TNNI3K: variants seen among roughly 807,000 people sequenced by gnomAD.
The protein encoded by TNNI3K is serine/threonine-protein kinase TNNI3K.
Under a neutral mutation model 114.5 loss-of-function variants are expected in TNNI3K, and 140 were observed. The observed-to-expected ratio is 1.22, with a 90% CI of 1.07 to 1.41. The LOEUF is 1.41. TNNI3K is among the 40% of genes most tolerant of loss of function. TNNI3K has a pLI of 0.00. For missense variants in TNNI3K, 1,125 were observed against 1,007.6 expected (o/e 1.12, Z -1.58); for synonymous variants, 347 against 347.5 (o/e 1.00, Z 0.02).
chr1:74,457,443 C>G (rs1200897020), intron 20 of TNNI3K, among the ~76,000 whole-genome samples: 4 of 152,146 alleles, frequency 2.6e-5, no homozygotes, highest in Non-Finnish European at 5.9e-5. Context: ...GCTATACACT[C>G]TGGTGATACG....
At chr1:74,454,414 T>C (rs1268797094) in intron 20 of TNNI3K, among the ~76,000 whole-genome samples, 1 of 152,182 alleles carries the variant, frequency 6.6e-6, no homozygotes, top group African/African-American at 2.4e-5. Flanking sequence ...TTCTACTTTC[T>C]ATCTCCATGA....
chr1:74,279,304 A>G (rs6660831), intron 5 of TNNI3K, among the ~76,000 whole-genome samples: 89,545 of 152,140 alleles, frequency 0.59, 30,028 homozygotes, highest in East Asian at 0.82. Flanking sequence ...TAAAAATGCA[A>G]AAGTTTCTAA....
At chr1:74,452,782 C>T (rs1017432721) in intron 20 of TNNI3K, among the ~76,000 whole-genome samples, 41 of 152,278 alleles carry the variant, frequency 2.7e-4, no homozygotes, top group Admixed American at 7.2e-4. Context: ...CTGCCTGCCT[C>T]CCCGGCCTCC....
At chr1:74,305,410 GT>G (rs1278006242) in intron 5 of TNNI3K, among the ~76,000 whole-genome samples, 4 of 152,208 alleles carry the variant, frequency 2.6e-5, no homozygotes, top group African/African-American at 9.6e-5. Context: ...AAGAATTTGG[GT>G]TGTGATGCAG....
At chr1:74,508,990 C>T (rs565229633) in intron 23 of TNNI3K, among the ~76,000 whole-genome samples, 1 of 152,308 alleles carries the variant, frequency 6.6e-6, no homozygotes, top group East Asian at 1.9e-4. Context: ...GTCCCTATTT[C>T]ACAGTTCTAC....
chr1:74,419,625 G>A (rs1280194694), intron 17 of TNNI3K, among the ~76,000 whole-genome samples: 1 of 151,932 alleles, frequency 6.6e-6, no homozygotes, highest in Non-Finnish European at 1.5e-5. Context: ...GCTTCAAAAG[G>A]AAGTTTGAGG....
intron 9 of TNNI3K, among the ~76,000 whole-genome samples, chr1:74,343,528 T>C (rs558583345): frequency 6.6e-6 from 1 of 152,198 alleles, no homozygotes; most frequent in Non-Finnish European, 1.5e-5. Context: ...GATGTGCCCA[T>C]AATCCTCCTC....
At chr1:74,462,200 A>G (rs1338429924) in intron 20 of TNNI3K, among the ~76,000 whole-genome samples, 1 of 152,210 alleles carries the variant, frequency 6.6e-6, no homozygotes, top group African/African-American at 2.4e-5. Context: ...AATAATCCAT[A>G]AAGTGTTGAT....
chr1:74,532,888 T>TC (rs1646608222), intron 23 of TNNI3K, among the ~76,000 whole-genome samples: 1 of 152,220 alleles, frequency 6.6e-6, no homozygotes, highest in African/African-American at 2.4e-5. Flanking sequence ...CTGGATCCCT[T>TC]CCTCACACCT....
intron 4 of TNNI3K, among the ~76,000 whole-genome samples, chr1:74,263,345 G>T (rs1655787353): frequency 6.6e-6 from 1 of 151,990 alleles, no homozygotes; most frequent in African/African-American, 2.4e-5. Context: ...ATCTCTGATA[G>T]TAATTATGAG....
intron 5 of TNNI3K, among the ~76,000 whole-genome samples, chr1:74,328,171 T>C (rs1660013794): frequency 6.6e-6 from 1 of 152,134 alleles, no homozygotes; most frequent in African/African-American, 2.4e-5. Flanking sequence ...ATTTGTACTT[T>C]AACTGTACTG....
intron 13 of TNNI3K, among the ~76,000 whole-genome samples, chr1:74,368,338 T>C (rs1476293503): frequency 6.6e-6 from 1 of 151,892 alleles, no homozygotes; most frequent in Non-Finnish European, 1.5e-5. Context: ...AGTAATACTT[T>C]GGGACCATTT....
intron 20 of TNNI3K, among the ~76,000 whole-genome samples, chr1:74,444,222 C>G (rs1666523936): frequency 6.6e-6 from 1 of 152,182 alleles, no homozygotes; most frequent in African/African-American, 2.4e-5. Flanking sequence ...GTCACACTGT[C>G]TCTGTTTGCA....
chr1:74,330,361 A>G (rs1204965073), intron 5 of TNNI3K, among the ~76,000 whole-genome samples: 1 of 152,144 alleles, frequency 6.6e-6, no homozygotes, highest in African/African-American at 2.4e-5. Flanking sequence ...GACACTTATC[A>G]GCCCAGAGAA....
Position 74,321,023 on chromosome 1 carries a change from T to A in TNNI3K, c.445-10427T>A, listed in dbSNP as rs1235776728. Among the ~76,000 whole-genome samples, 6 of 152,176 alleles carry A rather than the reference T, an allele frequency of 3.9e-5. No homozygotes were observed. In the East Asian group the frequency reaches 1.2e-3, roughly 29 times the overall value. ...TAACTTGTACTCCAGTTTCCAAGTT[T>A]GAGCAGTTGCAATGTAGTGAAAACT... On this transcript the variant is annotated intron_variant, in intron 5 of 24. Transcript: ENST00000326637.
At chr1:74,485,618 A>G (rs1668718710) in intron 21 of TNNI3K, among the ~76,000 whole-genome samples, 2 of 152,186 alleles carry the variant, frequency 1.3e-5, no homozygotes, top group African/African-American at 4.8e-5. Flanking sequence ...ATTATGTTTC[A>G]TCATATGACT....
At chr1:74,414,080 A>G (rs1311592748) in intron 17 of TNNI3K, among the ~76,000 whole-genome samples, 1 of 152,208 alleles carries the variant, frequency 6.6e-6, no homozygotes, top group African/African-American at 2.4e-5. Context: ...ATACAGAGTG[A>G]CAATTTTATA....
In TNNI3K at chr1:74,367,913, T is replaced by A. The variant is rs141856588; in HGVS notation, c.1270T>A (p.Ser424Thr). The change falls in exon 13 of 25, where the codon TCC (serine) becomes ACC (threonine). Residue 424 changes from serine (S) to threonine (T), a missense_variant. Ser to Thr is a moderately conservative substitution (Grantham distance 58). Transcript: ENST00000326637. ...TTATATAATTTAATTTCTAGATGGCTCCTATGTGTCTGTTCCATCACCCTT... is the reference window on the plus strand; with the variant it reads ...TTATATAATTTAATTTCTAGATGGCACCTATGTGTCTGTTCCATCACCCTT... The part of the protein sequence containing the change: ...NEYSQPGGDG[S>T]YVSVPSPLGK... 2.5e-6 allele frequency: 4 copies of A among 1,576,414 alleles called. No homozygotes were observed. Among genetic ancestry groups the A allele is most frequent in the Non-Finnish European group, 3.4e-6 (4 of 1,166,250 alleles).
At chr1:74,279,896 C>T (rs537394435) in intron 5 of TNNI3K, among the ~76,000 whole-genome samples, 34 of 152,114 alleles carry the variant, frequency 2.2e-4, no homozygotes, top group Non-Finnish European at 4.3e-4. Context: ...ATAATTATAA[C>T]GTAATAAATA....
Sources: allele counts gnomAD v4.1 joint callset (sites outside exome capture counted in the v4.1 genomes callset), GRCh38; gene constraint gnomAD v4.1.1; transcripts MANE v1.5; gene names NCBI Gene and HGNC (gene_info 2026-07-23, HGNC 2026-07-21).